CPPED1: variants seen among roughly 807,000 people sequenced by gnomAD.
The protein encoded by CPPED1 is serine/threonine-protein phosphatase CPPED1.
A neutral mutation model predicts 28.0 loss-of-function variants in CPPED1; 28 were observed. The observed-to-expected ratio is 1.00, with a 90% CI of 0.74 to 1.37. The LOEUF (loss-of-function observed/expected upper bound fraction) is 1.37, where lower values mean the gene tolerates loss of function less well. Among genes scored for constraint, CPPED1 ranks in the 40% most tolerant of loss-of-function variants. The pLI is 0.00. For synonymous variants in CPPED1, 198 were observed against 180.2 expected, an observed-to-expected ratio of 1.10 and a Z score of -0.79; for missense variants, 504 against 416.5, an observed-to-expected ratio of 1.21 and a Z score of -1.83.
rs545673157 is a variant in CPPED1 at position 12,695,715 on chromosome 16, C to G, written c.715+8909G>C. On this transcript the variant is annotated intron_variant, in intron 3 of 3. Transcript: ENST00000381774. ...CTGTTCAAACTGTGTTCAAATAAGG[C>G]AAATGCTGAGTTGTAACCCATCTGG... Among the ~76,000 whole-genome samples, 4 of 152,308 alleles carry G rather than the reference C, an allele frequency of 2.6e-5. No individual in the cohort carries two copies. In the South Asian group the frequency reaches 6.2e-4, roughly 24 times the overall value.
At chr16:12,676,965 C>T (rs2079880827) in intron 3 of CPPED1, among the ~76,000 whole-genome samples, 2 of 152,012 alleles carry the variant, frequency 1.3e-5, no homozygotes, top group Non-Finnish European at 2.9e-5. Flanking sequence ...GGATCTGAAC[C>T]CAGGAGTCTG....
At chr16:12,680,346 C>T (rs867771977) in intron 3 of CPPED1, among the ~76,000 whole-genome samples, 6 of 152,026 alleles carry the variant, frequency 3.9e-5, no homozygotes, top group African/African-American at 1.4e-4. Flanking sequence ...ATTGTCAGTT[C>T]ATTTCGACAG....
intron 2 of CPPED1, among the ~76,000 whole-genome samples, chr16:12,751,788 G>A (rs570901843): frequency 2.2e-4 from 33 of 152,280 alleles, no homozygotes; most frequent in African/African-American, 7.9e-4. Flanking sequence ...GCATGTGTAT[G>A]CGTTATATTA....
At chr16:12,693,022 G>C (rs968210655) in intron 3 of CPPED1, among the ~76,000 whole-genome samples, 3 of 152,320 alleles carry the variant, frequency 2.0e-5, no homozygotes, top group Middle Eastern at 6.8e-3. Context: ...GAGGAAAAAA[G>C]ATTTCCTTTC....
At chr16:12,749,108 C>A (rs983774950) in intron 2 of CPPED1, among the ~76,000 whole-genome samples, 1 of 152,116 alleles carries the variant, frequency 6.6e-6, no homozygotes, top group African/African-American at 2.4e-5. Context: ...TAAAATAAGA[C>A]AACCATGAAG....
At chr16:12,746,426 A>G (rs2080288816) in intron 2 of CPPED1, among the ~76,000 whole-genome samples, 1 of 152,148 alleles carries the variant, frequency 6.6e-6, no homozygotes, top group African/African-American at 2.4e-5. Context: ...ACTTTCCAAA[A>G]CAAAGGTAAC....
intron 3 of CPPED1, among the ~76,000 whole-genome samples, chr16:12,678,851 C>T (rs928712210): frequency 5.3e-5 from 8 of 152,016 alleles, no homozygotes. Context: ...ATTTTACTTC[C>T]TATCTTTATG....
intron 2 of CPPED1, among the ~76,000 whole-genome samples, chr16:12,708,641 A>C (rs1309727398): frequency 5.9e-5 from 9 of 152,228 alleles, no homozygotes; most frequent in Non-Finnish European, 1.0e-4. Flanking sequence ...GATTACAAAA[A>C]CCCAAGTTGA....
At chr16:12,707,880 T>C (rs1197405067) in intron 2 of CPPED1, among the ~76,000 whole-genome samples, 2 of 152,070 alleles carry the variant, frequency 1.3e-5, no homozygotes, top group Non-Finnish European at 2.9e-5. Flanking sequence ...GGCGTACTGA[T>C]GCATGCCTAT....
At chr16:12,702,658 G>A (rs1335598304) in intron 3 of CPPED1, among the ~76,000 whole-genome samples, 1 of 152,218 alleles carries the variant, frequency 6.6e-6, no homozygotes, top group Admixed American at 6.5e-5. Context: ...TGGTCAACAA[G>A]AACAAGAACA....
At position 12,771,349 on chromosome 16, in the gene CPPED1, T is replaced by C. The variant is rs145044720; in HGVS notation, c.289+9836A>G. On this transcript the variant is annotated intron_variant, in intron 2 of 3. Transcript: ENST00000381774. ...AGAAAACTGTACTGGGTGCCTACCATGTGCTGGCTTCTTGCTAAAGATCAC... is the reference window on the plus strand; with the variant it reads ...AGAAAACTGTACTGGGTGCCTACCACGTGCTGGCTTCTTGCTAAAGATCAC... 4.0e-3 allele frequency among the ~76,000 whole-genome samples: 617 copies of C among 152,374 alleles called. 6 individuals are homozygous for C. The highest frequency in any genetic ancestry group is 0.02 in the Middle Eastern group (6 of 294).
intron 2 of CPPED1, among the ~76,000 whole-genome samples, chr16:12,724,150 C>G (rs889734642): frequency 6.6e-6 from 1 of 152,126 alleles, no homozygotes; most frequent in African/African-American, 2.4e-5. Flanking sequence ...GAAGGGGTCA[C>G]AGACACCTCC....
chr16:12,678,410 A>C (rs1300576324), intron 3 of CPPED1, among the ~76,000 whole-genome samples: 5 of 152,230 alleles, frequency 3.3e-5, no homozygotes, highest in African/African-American at 9.6e-5. Flanking sequence ...CGGAAATTTT[A>C]CAATCAGTAT....
chr16:12,764,590 C>T (rs1189494996), intron 2 of CPPED1, among the ~76,000 whole-genome samples: 20 of 152,118 alleles, frequency 1.3e-4, no homozygotes, highest in Admixed American at 1.3e-3. Flanking sequence ...CCTTCTGCCT[C>T]AGCCTCCCAA....
At chr16:12,801,130 G>A (rs2080656962) in intron 1 of CPPED1, among the ~76,000 whole-genome samples, 1 of 152,088 alleles carries the variant, frequency 6.6e-6, no homozygotes, top group African/African-American at 2.4e-5. Context: ...GTCTTGCTCT[G>A]TTGTCCAGGG....
At chr16:12,691,890 C>G (rs922985595) in intron 3 of CPPED1, among the ~76,000 whole-genome samples, 1 of 150,566 alleles carries the variant, frequency 6.6e-6, no homozygotes, top group Non-Finnish European at 1.5e-5. Context: ...GTGCAGCACA[C>G]CAACATGGCA....
chr16:12,766,014 T>C (rs958395927), intron 2 of CPPED1, among the ~76,000 whole-genome samples: 5 of 151,888 alleles, frequency 3.3e-5, no homozygotes, highest in Non-Finnish European at 7.4e-5. Context: ...GCAAAAACAA[T>C]GAAAAAGAAG....
intron 1 of CPPED1, among the ~76,000 whole-genome samples, chr16:12,795,755 G>A (rs1567308952): frequency 1.3e-5 from 2 of 152,162 alleles, no homozygotes; most frequent in Non-Finnish European, 2.9e-5. Flanking sequence ...CAGGTGGAGT[G>A]TATTCATTCA....
rs1316256104 is a variant in CPPED1 at position 12,770,522 on chromosome 16, A to G, written c.289+10663T>C. Among the ~76,000 whole-genome samples, 3 of 152,308 alleles carry G rather than the reference A, an allele frequency of 2.0e-5. No homozygotes were observed. In the East Asian group the frequency reaches 5.8e-4, roughly 29 times the overall value. On this transcript the variant is annotated intron_variant, in intron 2 of 3. Coordinates refer to ENST00000381774, the MANE Select transcript of CPPED1 (RefSeq NM_018340.3). ...ATGTGCACAGTATGATCACGTTTGT[A>G]TTTAAGAAAAGCATGCTGACCAGGG...
Sources: gnomAD v4.1 joint callset for allele counts (sites outside exome capture counted in the v4.1 genomes callset) on GRCh38, gnomAD v4.1.1 for gene constraint, MANE v1.5 for transcripts, NCBI Gene and HGNC (gene_info 2026-07-23, HGNC 2026-07-21) for gene names.